The following RYR2 variants were observed in gnomAD, a reference collection of about 807,000 sequenced individuals.
RYR2 encodes the protein ryanodine receptor 2, also known as cardiac muscle ryanodine receptor-calcium release channel.
A neutral mutation model predicts 601.1 loss-of-function variants in RYR2; 227 were observed. The ratio of observed to expected loss-of-function variants is 0.38; its 90% CI spans 0.34 to 0.42. The LOEUF is 0.42. RYR2 is among the 10% of genes least tolerant of loss of function. The probability of loss-of-function intolerance (pLI) is 1.00; values close to 1 mark genes in which losing one functional copy is unlikely to be tolerated. For synonymous variants in RYR2, 2,223 were observed against 2,175.1 expected, an observed-to-expected ratio of 1.02 and a Z score of -0.61; for missense variants, 4,646 against 6,156.5, an observed-to-expected ratio of 0.75 and a Z score of 8.21.
intron 16 of RYR2, among the ~76,000 whole-genome samples, chr1:237,462,364 C>G (rs1659578761): frequency 6.6e-6 from 1 of 152,094 alleles, no homozygotes; most frequent in Admixed American, 6.6e-5. Context: ...TGGAGAATGA[C>G]AAAGGTAGAT....
intron 1 of RYR2, among the ~76,000 whole-genome samples, chr1:237,139,570 A>G (rs1215763009): frequency 1.3e-5 from 2 of 152,234 alleles, no homozygotes; most frequent in African/African-American, 4.8e-5. Flanking sequence ...GATATTAAGT[A>G]GGGAGTGAGT....
intron 2 of RYR2, among the ~76,000 whole-genome samples, chr1:237,294,123 C>T (rs2149430846): frequency 6.6e-6 from 1 of 152,236 alleles, no homozygotes; most frequent in South Asian, 2.1e-4. Context: ...GGGTCAAAGA[C>T]CAAATATCAG....
intron 93 of RYR2, 54 bp from the exon 94 acceptor site, chr1:237,792,051 G>A (rs1658434767): frequency 4.7e-6 from 6 of 1,278,388 alleles, no homozygotes; most frequent in Non-Finnish European, 6.7e-6. Flanking sequence ...TCTTTTGCTT[G>A]CAATGGTATC....
chr1:237,486,465 T>C (rs1662695108), intron 17 of RYR2, among the ~76,000 whole-genome samples: 1 of 152,224 alleles, frequency 6.6e-6, no homozygotes, highest in Admixed American at 6.5e-5. Context: ...CTTTTGTTTA[T>C]GCTTATTCCA....
intron 2 of RYR2, among the ~76,000 whole-genome samples, chr1:237,311,145 G>C (rs1558601551): frequency 6.6e-6 from 1 of 152,078 alleles, no homozygotes; most frequent in Non-Finnish European, 1.5e-5. Context: ...AAAATAGTTG[G>C]CTTTAAGAGT....
At chr1:237,743,559 G>A (rs1400077593) in intron 80 of RYR2, 1 of 518,516 alleles carries the variant, frequency 1.9e-6, no homozygotes, top group East Asian at 5.5e-5. Flanking sequence ...CAGAGCAATT[G>A]TTTATTGCTA....
intron 3 of RYR2, among the ~76,000 whole-genome samples, chr1:237,334,440 A>AATATATATATATATATAT (rs58982184): frequency 1.4e-5 from 2 of 146,050 alleles, no homozygotes; most frequent in Admixed American, 6.9e-5. Context: ...GTTTAATTAA[A>AATATATATATATATATAT]ATATATATAT....
chr1:237,409,461 T>C (rs1041584023), intron 10 of RYR2, among the ~76,000 whole-genome samples: 2 of 152,154 alleles, frequency 1.3e-5, no homozygotes, highest in African/African-American at 4.8e-5. Flanking sequence ...GATTATACTA[T>C]GGTTCAGTGA....
At chr1:237,075,040 G>A (rs1039889236) in intron 1 of RYR2, among the ~76,000 whole-genome samples, 2 of 152,146 alleles carry the variant, frequency 1.3e-5, no homozygotes, top group East Asian at 3.9e-4. Flanking sequence ...ATGTTTAGGA[G>A]GGCAGAGACC....
At chr1:237,233,983 C>T (rs1399043981) in intron 1 of RYR2, among the ~76,000 whole-genome samples, 1 of 152,146 alleles carries the variant, frequency 6.6e-6, no homozygotes. Flanking sequence ...TGAGCCACTG[C>T]ACCCAGCTGA....
intron 92 of RYR2, 103 bp downstream of exon 92, chr1:237,788,238 AAC>A: frequency 1.2e-6 from 1 of 863,606 alleles, no homozygotes; most frequent in Non-Finnish European, 1.8e-6. Flanking sequence ...GCAGTTAGGG[AAC>A]CAGGTTAGTC....
intron 35 of RYR2, among the ~76,000 whole-genome samples, chr1:237,606,877 C>A (rs1677188373): frequency 6.6e-6 from 1 of 152,124 alleles, no homozygotes; most frequent in African/African-American, 2.4e-5. Context: ...CAATGAGATA[C>A]CATCTCACAC....
At chr1:237,361,551 T>C (rs1699784511) in intron 4 of RYR2, among the ~76,000 whole-genome samples, 2 of 152,336 alleles carry the variant, frequency 1.3e-5, no homozygotes, top group South Asian at 4.1e-4. Context: ...CATTTGATAA[T>C]CCTTTTTAAT....
intron 2 of RYR2, among the ~76,000 whole-genome samples, chr1:237,289,308 G>C (rs1179670607): frequency 6.6e-6 from 1 of 152,072 alleles, no homozygotes; most frequent in Non-Finnish European, 1.5e-5. Context: ...ATCTAGTCCT[G>C]CCTCCCATCC....
chr1:237,422,806 T>A (rs1426608394), intron 11 of RYR2, among the ~76,000 whole-genome samples: 2 of 152,198 alleles, frequency 1.3e-5, no homozygotes, highest in African/African-American at 2.4e-5. Flanking sequence ...CTTTGTTATC[T>A]TTGCATAGAA....
intron 1 of RYR2, among the ~76,000 whole-genome samples, chr1:237,244,388 C>A (rs1185945598): frequency 6.6e-6 from 1 of 152,122 alleles, no homozygotes; most frequent in African/African-American, 2.4e-5. Flanking sequence ...AAAGCAGCCC[C>A]CAAATGGCAT....
intron 52 of RYR2, 70 bp from the exon 53 acceptor site, chr1:237,655,751 A>G (rs1465788256): frequency 1.4e-6 from 2 of 1,411,896 alleles, no homozygotes; most frequent in Non-Finnish European, 1.9e-6. Flanking sequence ...ACCTTCTGTC[A>G]GCCCTGATGA....
chr1:237,642,787 A>G (rs1681699856), intron 47 of RYR2, among the ~76,000 whole-genome samples: 1 of 152,196 alleles, frequency 6.6e-6, no homozygotes, highest in African/African-American at 2.4e-5. Flanking sequence ...AGTCTAAAAG[A>G]ACTGTTAGGA....
chr1:237,330,343 G>A (rs1368730687), intron 2 of RYR2, among the ~76,000 whole-genome samples: 2 of 152,222 alleles, frequency 1.3e-5, no homozygotes, highest in Non-Finnish European at 2.9e-5. Context: ...TTTCAGAGCT[G>A]TTATTGTTGC....
Sources: allele counts gnomAD v4.1 joint callset (sites outside exome capture counted in the v4.1 genomes callset), GRCh38; gene constraint gnomAD v4.1.1; transcripts MANE v1.5; gene names NCBI Gene and HGNC (gene_info 2026-07-23, HGNC 2026-07-21).